Variants in MRPL48 observed in about 807,000 individuals in gnomAD.
The protein encoded by MRPL48 is mitochondrial ribosomal protein L48.
Under a neutral mutation model 32.9 loss-of-function variants are expected in MRPL48, and 16 were observed. That is an observed-to-expected ratio of 0.49 (90% CI 0.33 to 0.74). The LOEUF is 0.74. MRPL48 is among the 30% of genes least tolerant of loss of function. The pLI is 0.02. For synonymous variants in MRPL48, 94 were observed against 89.2 expected (o/e 1.05, Z -0.31); for missense variants, 206 against 245.3 (o/e 0.84, Z 1.07).
intron 3 of MRPL48, among the ~76,000 whole-genome samples, chr11:73,814,980 C>G (rs1321989572): frequency 6.8e-6 from 1 of 146,134 alleles, no homozygotes. Flanking sequence ...GATGACAGAG[C>G]AAGACTTGGT....
Position 73,857,193 on chromosome 11 carries a change from T to C in MRPL48, c.372-2714T>C, listed in dbSNP as rs1056479788. On this transcript the variant is annotated intron_variant, in intron 5 of 7. Transcript: ENST00000310614. ...TCGCCCAAGCTGGAGTGAGGTAGCATGATCTTGGCTCATTGCAACCTCCAC... is the reference window on the plus strand; with the variant it reads ...TCGCCCAAGCTGGAGTGAGGTAGCACGATCTTGGCTCATTGCAACCTCCAC... Among the ~76,000 whole-genome samples the C allele has an allele frequency of 9.9e-5, 15 of 152,180 alleles. No individual in the cohort carries two copies. The South Asian group carries it at 2.9e-3, about 29-fold the overall frequency.
chr11:73,847,446 CT>C (rs563267858), intron 5 of MRPL48, among the ~76,000 whole-genome samples: 8,537 of 141,922 alleles, frequency 0.06, 254 homozygotes, highest in Middle Eastern at 0.11. Flanking sequence ...ATAGCAGTTC[CT>C]TTTTTTTTTT....
At chr11:73,806,602 A>T (rs1312423611) in intron 2 of MRPL48, among the ~76,000 whole-genome samples, 1 of 152,186 alleles carries the variant, frequency 6.6e-6, no homozygotes, top group Non-Finnish European at 1.5e-5. Flanking sequence ...AATAAGCATC[A>T]TGGGGATACT....
intron 4 of MRPL48, among the ~76,000 whole-genome samples, chr11:73,831,940 C>CAAAAAAAA (rs4019304): frequency 4.5e-5 from 3 of 67,104 alleles, no homozygotes; most frequent in Non-Finnish European, 7.8e-5. Context: ...AACTCTGTCT[C>CAAAAAAAA]AAAAAAAAAA....
At chr11:73,822,272 A>G (rs918742942) in intron 3 of MRPL48, among the ~76,000 whole-genome samples, 1 of 152,080 alleles carries the variant, frequency 6.6e-6, no homozygotes, top group African/African-American at 2.4e-5. Flanking sequence ...ATCTGAACCT[A>G]TTCCCCTGCA....
At chr11:73,852,405 A>T (rs1268589261) in intron 5 of MRPL48, among the ~76,000 whole-genome samples, 1 of 135,150 alleles carries the variant, frequency 7.4e-6, no homozygotes, top group Non-Finnish European at 1.7e-5. Flanking sequence ...AAAAAAAAAA[A>T]AAAAAAAAAA....
At chr11:73,860,058 T>C in intron 6 of MRPL48, 49 bp downstream of exon 6, 1 of 1,470,000 alleles carries the variant, frequency 6.8e-7, no homozygotes, top group Non-Finnish European at 9.4e-7. Context: ...CCTGGTTCTT[T>C]TCTCTGTCCA....
intron 1 of MRPL48, among the ~76,000 whole-genome samples, chr11:73,788,206 C>T (rs186680739): frequency 6.6e-6 from 1 of 152,210 alleles, no homozygotes; most frequent in African/African-American, 2.4e-5. Context: ...CTCTGCCGAG[C>T]CGACCCGTGC....
At chr11:73,826,086 G>A (rs532651222) in intron 4 of MRPL48, among the ~76,000 whole-genome samples, 3 of 151,448 alleles carry the variant, frequency 2.0e-5, no homozygotes, top group East Asian at 2.0e-4. Flanking sequence ...GCATGATCAC[G>A]GCTCACTGCA....
chr11:73,837,240 A>G (rs755221624), intron 4 of MRPL48, among the ~76,000 whole-genome samples: 2 of 152,196 alleles, frequency 1.3e-5, no homozygotes, highest in Admixed American at 6.5e-5. Context: ...GGTAGATACT[A>G]TCACTTTAAA....
chr11:73,792,770 A>C (rs566139515), intron 1 of MRPL48, among the ~76,000 whole-genome samples: 38 of 152,354 alleles, frequency 2.5e-4, no homozygotes, highest in African/African-American at 8.9e-4. Context: ...CCTAAGGTAC[A>C]TATTGTTTCA....
chr11:73,788,219 C>T (rs990325798), intron 1 of MRPL48, among the ~76,000 whole-genome samples: 2 of 152,074 alleles, frequency 1.3e-5, no homozygotes, highest in Non-Finnish European at 2.9e-5. Flanking sequence ...ACCCGTGCCA[C>T]GCCCACACCA....
chr11:73,834,284 G>C (rs1387816242), intron 4 of MRPL48, among the ~76,000 whole-genome samples: 2 of 152,172 alleles, frequency 1.3e-5, no homozygotes, highest in Non-Finnish European at 2.9e-5. Context: ...TACAATACCA[G>C]GGGCTTAAGT....
rs554549921 is a variant in MRPL48 at position 73,790,585 on chromosome 11, C to T, written c.21+2593C>T. ...ATTTTTAGTAGAGACGGGGTTTCAC[C>T]GTGTTAGCTAGGATGGTCTCGATCT... On this transcript the variant is annotated intron_variant, in intron 1 of 7. Transcript: ENST00000310614. Among the ~76,000 whole-genome samples the T allele has an allele frequency of 8.6e-5, 13 of 151,686 alleles. No individual in the cohort carries two copies. The South Asian group carries it at 2.1e-3, about 24-fold the overall frequency.
intron 3 of MRPL48, among the ~76,000 whole-genome samples, chr11:73,809,691 A>G (rs1947532966): frequency 6.6e-6 from 1 of 152,146 alleles, no homozygotes; most frequent in Non-Finnish European, 1.5e-5. Flanking sequence ...TCTCTGTTTC[A>G]ACCCAATTAC....
chr11:73,864,381 C>T lies in MRPL48; in HGVS notation c.*11C>T, dbSNP rs778350063. On this transcript the variant is annotated 3_prime_UTR_variant, in exon 8 of 8. Transcript: ENST00000310614. ...GCCAAGTTGAAGTAGCTACTGTAGACCCTTTCATGCCAGCAGTGGTCATAT... is the reference window on the plus strand; with the variant it reads ...GCCAAGTTGAAGTAGCTACTGTAGATCCTTTCATGCCAGCAGTGGTCATAT... 2 of 1,613,284 alleles carry T rather than the reference C, an allele frequency of 1.2e-6. No homozygotes were observed. The highest frequency in any genetic ancestry group is 1.7e-5 in the Admixed American group (1 of 59,932).
chr11:73,845,498 C>T (rs531745185), intron 5 of MRPL48, among the ~76,000 whole-genome samples: 56 of 152,180 alleles, frequency 3.7e-4, no homozygotes, highest in Non-Finnish European at 2.1e-4. Flanking sequence ...TCTAGCTGGG[C>T]GCAGTGGCTC....
chr11:73,813,435 A>G (rs973879381), intron 3 of MRPL48, among the ~76,000 whole-genome samples: 2 of 151,868 alleles, frequency 1.3e-5, no homozygotes, highest in African/African-American at 4.8e-5. Context: ...CGGCCTCCCA[A>G]AGTGCTGGGA....
At chr11:73,861,080 T>G (rs938698234) in intron 6 of MRPL48, among the ~76,000 whole-genome samples, 1 of 152,212 alleles carries the variant, frequency 6.6e-6, no homozygotes, top group Non-Finnish European at 1.5e-5. Context: ...GCATCACCCT[T>G]TTTTGATCCA....
Sources: gnomAD v4.1 joint callset for allele counts (sites outside exome capture counted in the v4.1 genomes callset) on GRCh38, gnomAD v4.1.1 for gene constraint, MANE v1.5 for transcripts, NCBI Gene and HGNC (gene_info 2026-07-23, HGNC 2026-07-21) for gene names.